HPS5: variants seen among roughly 807,000 people sequenced by gnomAD.
The protein encoded by HPS5 is HPS5 biogenesis of lysosomal organelles complex 2 subunit 2, also known as BLOC-2 complex member HPS5.
Under a neutral mutation model 128.0 loss-of-function variants are expected in HPS5, and 83 were observed. The ratio of observed to expected loss-of-function variants is 0.65; its 90% CI spans 0.54 to 0.78. HPS5 has a LOEUF of 0.78. HPS5 is among the 30% of genes least tolerant of loss of function. HPS5 has a pLI of 0.00. For missense variants in HPS5, 1,281 were observed against 1,326.2 expected (o/e 0.97, Z 0.53); for synonymous variants, 475 against 470.2 (o/e 1.01, Z -0.13).
At chr11:18,305,915 G>T (rs1862302190) in intron 7 of HPS5, among the ~76,000 whole-genome samples, 1 of 148,968 alleles carries the variant, frequency 6.7e-6, no homozygotes, top group Non-Finnish European at 1.5e-5. Context: ...TGTATTTTTG[G>T]TAGAGACGGG....
At chr11:18,287,487 T>C in intron 18 of HPS5, 48 bp downstream of exon 18, 1 of 1,595,312 alleles carries the variant, frequency 6.3e-7, no homozygotes. Context: ...AGAGAAACAA[T>C]GCCCTGTCAA....
chr11:18,281,835 TCTC>T, intron 22 of HPS5, 112 bp downstream of exon 22: 1 of 1,163,518 alleles, frequency 8.6e-7, no homozygotes, highest in Non-Finnish European at 1.3e-6. Flanking sequence ...TCAGTCTCAG[TCTC>T]CTCATGTTAG....
intron 5 of HPS5, among the ~76,000 whole-genome samples, chr11:18,310,194 A>G (rs1290744178): frequency 2.0e-5 from 3 of 152,178 alleles, no homozygotes; most frequent in Non-Finnish European, 4.4e-5. Context: ...GGGTAACCTG[A>G]GTCTCAACCC....
intron 13 of HPS5, 115 bp downstream of exon 13, chr11:18,295,884 T>A: frequency 8.9e-7 from 1 of 1,124,672 alleles, no homozygotes; most frequent in Non-Finnish European, 1.3e-6. Context: ...TGACAAGTTA[T>A]ATGGAAAACA....
At chr11:18,306,383 T>G in intron 6 of HPS5, 36 bp from the exon 7 acceptor site, 1 of 1,538,248 alleles carries the variant, frequency 6.5e-7, no homozygotes. Context: ...CAGATTTACT[T>G]ACAAAAAAAA....
intron 1 of HPS5, among the ~76,000 whole-genome samples, chr11:18,319,173 T>C (rs1305955395): frequency 6.6e-6 from 1 of 151,728 alleles, no homozygotes; most frequent in Non-Finnish European, 1.5e-5. Flanking sequence ...CCTAGTAAAG[T>C]ACCAGGCACA....
chr11:18,295,890 A>C (rs1247778113), intron 13 of HPS5, 109 bp downstream of exon 13: 3 of 1,214,120 alleles, frequency 2.5e-6, no homozygotes, highest in Non-Finnish European at 3.6e-6. Flanking sequence ...GTTATATGGA[A>C]AACAAGAGAC....
intron 8 of HPS5, among the ~76,000 whole-genome samples, chr11:18,302,827 G>GT (rs1325202173): frequency 1.4e-5 from 1 of 72,556 alleles, no homozygotes; most frequent in Non-Finnish European, 2.9e-5. Context: ...AAAAGCGGGG[G>GT]GGGGGGGGGT....
intron 2 of HPS5, 29 bp downstream of exon 2, chr11:18,317,722 G>A: frequency 6.2e-7 from 1 of 1,608,002 alleles, no homozygotes; most frequent in Non-Finnish European, 8.5e-7. Flanking sequence ...ACGTGAAAAT[G>A]AAACTGATAC....
intron 1 of HPS5, among the ~76,000 whole-genome samples, chr11:18,320,832 T>TA (rs1162062468): frequency 1.3e-5 from 2 of 152,204 alleles, no homozygotes; most frequent in Non-Finnish European, 2.9e-5. Flanking sequence ...TATTACAACC[T>TA]AAAAACAGTA....
chr11:18,284,009 T>A, intron 20 of HPS5, 108 bp from the exon 21 acceptor site: 1 of 734,866 alleles, frequency 1.4e-6, no homozygotes, highest in Non-Finnish European at 2.3e-6. Context: ...TCAATTTAAA[T>A]TAATTAAAAG....
In HPS5 at chr11:18,310,835, G is replaced by C. The variant is rs772570646; in HGVS notation, c.383C>G (p.Ala128Gly). 5 of 1,612,076 alleles carry C rather than the reference G, an allele frequency of 3.1e-6. No individual in the cohort carries two copies. The highest frequency in any genetic ancestry group is 4.2e-6 in the Non-Finnish European group (5 of 1,179,264). Reference sequence around the variant, plus strand: ...AAGAATAGCTGTATCCCAGCAGAGAGCTGTGACTCTTCGGCCTTTGTGTTC... The same window carrying C: ...AAGAATAGCTGTATCCCAGCAGAGACCTGTGACTCTTCGGCCTTTGTGTTC... Reference protein sequence around the residue: ...SSEHKGRRVTALCWDTAILRV... With the variant: ...SSEHKGRRVTGLCWDTAILRV... The change falls in exon 5 of 23, where the codon GCT becomes GGT. Residue 128 changes from alanine (A) to glycine (G), a missense_variant. Physicochemically the swap from Ala to Gly is moderately conservative, Grantham distance 60 (BLOSUM62 0). Transcript: ENST00000349215.
In HPS5 at chr11:18,281,253, G is replaced by GTATTTT. The variant is rs1858885418; in HGVS notation, c.3329+696_3329+697insAAAATA. Reference sequence around the variant, plus strand: ...GCCACCATGTCCAGTTAATTTTTTTGCATTTTTTTTTTTTTTTTTTAGTAG... The same window carrying GTATTTT: ...GCCACCATGTCCAGTTAATTTTTTTGTATTTTCATTTTTTTTTTTTTTTTTTAGTAG... On this transcript the variant is annotated intron_variant, in intron 22 of 22. Coordinates refer to ENST00000349215, the MANE Select transcript of HPS5 (RefSeq NM_181507.2). Among the ~76,000 whole-genome samples the GTATTTT allele has an allele frequency of 3.1e-5, 4 of 128,684 alleles. No homozygotes were observed. In the South Asian group the frequency reaches 9.8e-4, roughly 32 times the overall value. 84.4% of individuals were successfully genotyped at this position (128,684 alleles called of 152,430 possible). A position where few individuals can be genotyped will look rare whatever the true frequency, so the allele number is the denominator to read the frequency against.
chr11:18,321,082 TAA>T (rs1864261741), intron 1 of HPS5, among the ~76,000 whole-genome samples: 1 of 152,254 alleles, frequency 6.6e-6, no homozygotes, highest in African/African-American at 2.4e-5. Context: ...CAAGTTGCGT[TAA>T]GTGTACATGA....
At chr11:18,304,550 T>C (rs550587626) in intron 8 of HPS5, among the ~76,000 whole-genome samples, 1 of 152,318 alleles carries the variant, frequency 6.6e-6, no homozygotes, top group African/African-American at 2.4e-5. Context: ...GTAGGAAGTA[T>C]GACAAATACA....
intron 16 of HPS5, 126 bp from the exon 17 acceptor site, chr11:18,288,139 C>A: frequency 3.3e-6 from 3 of 912,410 alleles, no homozygotes; most frequent in East Asian, 4.9e-5. Context: ...GTGCAAGGCC[C>A]AATATTAAGC....
rs554612887 is a variant in HPS5, at chr11:18,310,556, G to A, written c.477+185C>T. 1.4e-4 allele frequency among the ~76,000 whole-genome samples: 22 copies of A among 152,268 alleles called. No individual in the cohort carries two copies. The South Asian group carries it at 1.7e-3, about 11-fold the overall frequency. On this transcript the variant is annotated intron_variant, in intron 5 of 22. Transcript: ENST00000349215. ...TAGTTCACAAAAGCCATTCTGTAAC[G>A]GTATTGAGCTAACAGGCCACCGTGT... is the stretch of plus-strand genomic sequence containing the variant.
At chr11:18,309,331 C>T (rs570362719) in intron 5 of HPS5, among the ~76,000 whole-genome samples, 23 of 152,174 alleles carry the variant, frequency 1.5e-4, no homozygotes, top group East Asian at 7.7e-4. Flanking sequence ...GAGGTTAGAA[C>T]GAAAAAGATG....
chr11:18,282,349 C>G, intron 21 of HPS5, 129 bp from the exon 22 acceptor site: 1 of 1,000,624 alleles, frequency 1.0e-6, no homozygotes, highest in Non-Finnish European at 1.5e-6. Context: ...TCTCATCACC[C>G]TAACACAAGT....
Sources: gnomAD v4.1 joint callset for allele counts (sites outside exome capture counted in the v4.1 genomes callset) on GRCh38, gnomAD v4.1.1 for gene constraint, MANE v1.5 for transcripts, NCBI Gene and HGNC (gene_info 2026-07-23, HGNC 2026-07-21) for gene names.